UBE2R2: variants seen among roughly 807,000 people sequenced by gnomAD.
UBE2R2 encodes ubiquitin-conjugating enzyme E2 R2.
Under a neutral mutation model 27.8 loss-of-function variants are expected in UBE2R2, and 1 was observed. The observed-to-expected ratio is 0.04, with a 90% CI of 0.01 to 0.17. The LOEUF is 0.17. Among genes scored for constraint, UBE2R2 ranks in the 10% least tolerant of loss-of-function variants. UBE2R2 has a pLI of 1.00. For synonymous variants in UBE2R2, 106 were observed against 113.3 expected (o/e 0.94, Z 0.41); for missense variants, 100 against 291.0 (o/e 0.34, Z 4.78).
At chr9:33,884,553 C>T (rs551799459) in intron 1 of UBE2R2, among the ~76,000 whole-genome samples, 1 of 152,196 alleles carries the variant, frequency 6.6e-6, no homozygotes, top group East Asian at 1.9e-4. Flanking sequence ...GTTGGGATTA[C>T]AGGCATGAGC....
intron 1 of UBE2R2, among the ~76,000 whole-genome samples, chr9:33,865,877 G>A (rs1377612598): frequency 6.6e-6 from 1 of 150,770 alleles, no homozygotes; most frequent in African/African-American, 2.4e-5. Context: ...TGTTGCCCAG[G>A]CTAGAGTGCA....
intron 1 of UBE2R2, among the ~76,000 whole-genome samples, chr9:33,845,225 C>G (rs1047579427): frequency 6.6e-6 from 1 of 151,350 alleles, no homozygotes; most frequent in Non-Finnish European, 1.5e-5. Context: ...CTCTTGTTGC[C>G]CAGGCTGGAG....
chr9:33,864,507 A>G (rs1462118414), intron 1 of UBE2R2, among the ~76,000 whole-genome samples: 1 of 152,174 alleles, frequency 6.6e-6, no homozygotes, highest in African/African-American at 2.4e-5. Context: ...CATACTTTGA[A>G]CCTTTTCAAC....
chr9:33,864,309 C>A (rs2130771393), intron 1 of UBE2R2, among the ~76,000 whole-genome samples: 1 of 152,218 alleles, frequency 6.6e-6, no homozygotes, highest in Non-Finnish European at 1.5e-5. Context: ...AGATCAGTTA[C>A]CCAGGATGTC....
At chr9:33,876,955 C>G (rs1279057903) in intron 1 of UBE2R2, among the ~76,000 whole-genome samples, 4 of 151,524 alleles carry the variant, frequency 2.6e-5, no homozygotes. Context: ...CCAGCCTGAC[C>G]AACATGGTGA....
Position 33,867,236 on chromosome 9 carries a change from A to G in UBE2R2, c.178-19645A>G, listed in dbSNP as rs1587456493. Among the ~76,000 whole-genome samples, 4 of 152,060 alleles carry G rather than the reference A, an allele frequency of 2.6e-5. No homozygotes were observed. In the South Asian group the frequency reaches 6.2e-4, roughly 24 times the overall value. On this transcript the variant is annotated intron_variant, in intron 1 of 4. Transcript: ENST00000263228. Reference sequence around the variant, plus strand: ...CTCTTTTGTGTCAGGCTTCTTTGTCATATATGTTGATGTGATTTACCCACA... The same window carrying G: ...CTCTTTTGTGTCAGGCTTCTTTGTCGTATATGTTGATGTGATTTACCCACA...
upstream of UBE2R2, among the ~76,000 whole-genome samples, chr9:33,816,847 C>A (rs1262621971): frequency 1.3e-5 from 2 of 152,250 alleles, no homozygotes; most frequent in African/African-American, 4.8e-5. Context: ...GCCTTTGGAA[C>A]TGCGGCGTCC....
chr9:33,865,666 A>C (rs750591927), intron 1 of UBE2R2, among the ~76,000 whole-genome samples: 1 of 152,124 alleles, frequency 6.6e-6, no homozygotes, highest in Non-Finnish European at 1.5e-5. Flanking sequence ...AATTTAGACT[A>C]ATTTTCAGTG....
intron 3 of UBE2R2, among the ~76,000 whole-genome samples, chr9:33,906,445 A>G (rs534678853): frequency 7.2e-4 from 110 of 152,212 alleles, no homozygotes; most frequent in Non-Finnish European, 1.4e-3. Flanking sequence ...TTTGGTTTTT[A>G]GGAATAAGCC....
chr9:33,828,646 C>G (rs1308033446), intron 1 of UBE2R2, among the ~76,000 whole-genome samples: 1 of 152,080 alleles, frequency 6.6e-6, no homozygotes, highest in East Asian at 1.9e-4. Context: ...ACTGCAATCT[C>G]CGCCTCCCTG....
At chr9:33,896,465 T>A (rs1237815768) in intron 2 of UBE2R2, among the ~76,000 whole-genome samples, 1 of 151,792 alleles carries the variant, frequency 6.6e-6, no homozygotes, top group African/African-American at 2.4e-5. Context: ...TTTTTTTAGA[T>A]GGAGTCTTAC....
chr9:33,860,997 C>T (rs1821221742), intron 1 of UBE2R2, among the ~76,000 whole-genome samples: 1 of 147,814 alleles, frequency 6.8e-6, no homozygotes, highest in Non-Finnish European at 1.5e-5. Context: ...CTCGCTCTGT[C>T]CCCCAGGCTG....
intron 1 of UBE2R2, among the ~76,000 whole-genome samples, chr9:33,861,834 G>A (rs1390039665): frequency 7.2e-6 from 1 of 138,376 alleles, no homozygotes; most frequent in Non-Finnish European, 1.6e-5. Context: ...GATACCATTT[G>A]TTGATCCACT....
At chr9:33,822,594 TA>T (rs11309054) in intron 1 of UBE2R2, among the ~76,000 whole-genome samples, 61,347 of 149,750 alleles carry the variant, frequency 0.41, 12,811 homozygotes, top group African/African-American at 0.48. Context: ...CGTTTTAATT[TA>T]AAAAAAAAAT....
chr9:33,854,740 A>G (rs1377067039), intron 1 of UBE2R2, among the ~76,000 whole-genome samples: 1 of 148,806 alleles, frequency 6.7e-6, no homozygotes, highest in African/African-American at 2.5e-5. Context: ...TTTTTCCAAG[A>G]CAGGGTCTCA....
chr9:33,837,734 A>G (rs1820646349), intron 1 of UBE2R2, among the ~76,000 whole-genome samples: 1 of 151,728 alleles, frequency 6.6e-6, no homozygotes, highest in African/African-American at 2.4e-5. Context: ...CTTGTTTTTT[A>G]ATAGAGACAG....
intron 1 of UBE2R2, among the ~76,000 whole-genome samples, chr9:33,854,858 A>G (rs1023158539): frequency 7.9e-5 from 12 of 151,876 alleles, no homozygotes; most frequent in Admixed American, 7.9e-4. Context: ...AGCTGGGACT[A>G]CAGGCAGGCA....
intron 3 of UBE2R2, among the ~76,000 whole-genome samples, chr9:33,908,445 G>A (rs771788139): frequency 2.6e-5 from 4 of 152,134 alleles, no homozygotes; most frequent in Non-Finnish European, 5.9e-5. Context: ...GGTAGGAGAA[G>A]GAGATTATTC....
At chr9:33,818,517 C>T (rs1162976085) in intron 1 of UBE2R2, 1 of 125,336 alleles carries the variant, frequency 8.0e-6, no homozygotes, top group African/African-American at 3.0e-5. Flanking sequence ...AAGAATGGGA[C>T]CCTAGGGGTG....
Sources: allele counts gnomAD v4.1 joint callset (sites outside exome capture counted in the v4.1 genomes callset), GRCh38; gene constraint gnomAD v4.1.1; transcripts MANE v1.5; gene names NCBI Gene and HGNC (gene_info 2026-07-23, HGNC 2026-07-21).